Variants in GPC5 observed in about 807,000 individuals in gnomAD.
The protein encoded by GPC5 is glypican 5.
GPC5 carries 47 observed loss-of-function variants against 53.9 expected under a neutral mutation model. The observed-to-expected ratio is 0.87, with a 90% CI of 0.69 to 1.11. The LOEUF (loss-of-function observed/expected upper bound fraction) is 1.11. Ranked by LOEUF, GPC5 falls within the 50% of genes most tolerant of loss-of-function variation. The probability of loss-of-function intolerance (pLI) is 0.00; values close to 1 mark genes in which losing one functional copy is unlikely to be tolerated. For synonymous variants in GPC5, 286 were observed against 263.3 expected (o/e 1.09, Z -0.84); for missense variants, 748 against 713.1 (o/e 1.05, Z -0.56).
intron 7 of GPC5, among the ~76,000 whole-genome samples, chr13:92,272,741 A>T (rs1332068449): frequency 6.6e-6 from 1 of 152,194 alleles, no homozygotes; most frequent in Non-Finnish European, 1.5e-5. Flanking sequence ...GGATCCCAAT[A>T]CCATGGAGCT....
chr13:92,641,145 A>G (rs1339938264), intron 7 of GPC5, among the ~76,000 whole-genome samples: 1 of 152,202 alleles, frequency 6.6e-6, no homozygotes, highest in Non-Finnish European at 1.5e-5. Flanking sequence ...ATTCATTACA[A>G]GGAGAAAAGT....
chr13:91,954,346 T>C (rs544091515), intron 6 of GPC5, among the ~76,000 whole-genome samples: 171 of 152,268 alleles, frequency 1.1e-3, no homozygotes, highest in African/African-American at 3.9e-3. Context: ...ACAAAATATG[T>C]GTAACAGGAA....
rs138665351 is a variant in GPC5 at position 92,591,725 on chromosome 13, G to A, written c.1562-274557G>A. Among the ~76,000 whole-genome samples the A allele has an allele frequency of 7.7e-4, 117 of 151,814 alleles. No homozygotes were observed. In the East Asian group the frequency reaches 0.021, roughly 27 times the overall value. On this transcript the variant is annotated intron_variant, in intron 7 of 7. Coordinates refer to ENST00000377067, the MANE Select transcript of GPC5 (RefSeq NM_004466.6). ...ATCTAACTATAATTATATATCCTTCGACCAACCTTTCCTCAACTCCCCCAC... is the reference window on the plus strand; with the variant it reads ...ATCTAACTATAATTATATATCCTTCAACCAACCTTTCCTCAACTCCCCCAC...
chr13:91,420,044 C>A (rs778220445), intron 1 of GPC5, among the ~76,000 whole-genome samples: 2 of 152,094 alleles, frequency 1.3e-5, no homozygotes, highest in Non-Finnish European at 2.9e-5. Flanking sequence ...AAGGAAGGAT[C>A]CTGGGGAGCT....
chr13:92,600,904 C>T (rs1884030384), intron 7 of GPC5, among the ~76,000 whole-genome samples: 1 of 152,004 alleles, frequency 6.6e-6, no homozygotes. Context: ...TCCCCTTGGC[C>T]CTGAACTCCT....
Position 91,693,842 on chromosome 13 carries a change from G to GT in GPC5, c.983dup (p.Leu328PhefsTer16). 1 of 1,608,222 alleles carries GT rather than the reference G, an allele frequency of 6.2e-7. No homozygotes were observed. The highest frequency in any genetic ancestry group is 8.5e-7 in the Non-Finnish European group (1 of 1,177,864). ...TTCACTTGCTTGTTAATGATGCTGT[G>GT]TTACAGGCTCACCTCAATGGACAAA... On this transcript the variant is annotated frameshift_variant, in exon 3 of 8. Transcript: ENST00000377067. LOFTEE classifies it high-confidence loss of function.
At chr13:92,493,261 CATTA>C (rs763915132) in intron 7 of GPC5, among the ~76,000 whole-genome samples, 131 of 152,260 alleles carry the variant, frequency 8.6e-4, no homozygotes, top group Non-Finnish European at 1.4e-3. Context: ...AAATATTGTA[CATTA>C]ATTTATATAC....
chr13:92,023,194 A>G (rs1425208776), intron 6 of GPC5, among the ~76,000 whole-genome samples: 2 of 152,044 alleles, frequency 1.3e-5, no homozygotes, highest in East Asian at 1.9e-4. Flanking sequence ...AGTTTCCTCT[A>G]TTTACTTGAG....
chr13:91,858,136 A>C (rs550184703), intron 5 of GPC5, among the ~76,000 whole-genome samples: 10 of 151,730 alleles, frequency 6.6e-5, no homozygotes, highest in African/African-American at 2.2e-4. Context: ...TCCAATTTGC[A>C]TGTCCCTTTA....
intron 6 of GPC5, among the ~76,000 whole-genome samples, chr13:92,031,290 G>A (rs1181828627): frequency 1.3e-5 from 2 of 151,994 alleles, no homozygotes; most frequent in African/African-American, 2.4e-5. Flanking sequence ...AATACCAAAC[G>A]TCTACTTCCA....
At chr13:92,495,912 A>G (rs572337997) in intron 7 of GPC5, among the ~76,000 whole-genome samples, 4 of 152,122 alleles carry the variant, frequency 2.6e-5, no homozygotes, top group African/African-American at 9.6e-5. Flanking sequence ...TTAGAGTTAG[A>G]GGAATTTAAA....
intron 7 of GPC5, among the ~76,000 whole-genome samples, chr13:92,646,174 T>C (rs1272414324): frequency 6.6e-6 from 1 of 152,168 alleles, no homozygotes; most frequent in Non-Finnish European, 1.5e-5. Flanking sequence ...CATTCAGGCC[T>C]CTGATCTATT....
At chr13:91,972,955 T>C (rs1158671589) in intron 6 of GPC5, among the ~76,000 whole-genome samples, 1 of 152,164 alleles carries the variant, frequency 6.6e-6, no homozygotes, top group African/African-American at 2.4e-5. Context: ...TTGGAGTTGC[T>C]CTTCTCGAGG....
intron 5 of GPC5, among the ~76,000 whole-genome samples, chr13:91,853,783 A>G (rs975110026): frequency 6.6e-6 from 1 of 151,986 alleles, no homozygotes; most frequent in African/African-American, 2.4e-5. Flanking sequence ...CATTCAAGAA[A>G]TTTATACTAG....
chr13:91,611,434 C>A (rs969028300), intron 2 of GPC5, among the ~76,000 whole-genome samples: 2 of 152,166 alleles, frequency 1.3e-5, no homozygotes. Context: ...GCTTCAATTT[C>A]TCACCTCCAG....
intron 5 of GPC5, among the ~76,000 whole-genome samples, chr13:91,782,635 A>C (rs903443862): frequency 6.6e-6 from 1 of 152,194 alleles, no homozygotes; most frequent in Non-Finnish European, 1.5e-5. Context: ...ATGGGGACAC[A>C]GAGCCAAACC....
At chr13:91,705,565 G>A (rs1049216074) in intron 3 of GPC5, among the ~76,000 whole-genome samples, 1 of 152,180 alleles carries the variant, frequency 6.6e-6, no homozygotes, top group Non-Finnish European at 1.5e-5. Flanking sequence ...CAGATCAGCA[G>A]TAGATGTTTG....
intron 6 of GPC5, among the ~76,000 whole-genome samples, chr13:91,983,667 G>C (rs141348016): frequency 6.6e-6 from 1 of 152,236 alleles, no homozygotes; most frequent in Non-Finnish European, 1.5e-5. Context: ...TGTAGTTCTG[G>C]AGCAGAATAT....
chr13:91,702,964 T>A (rs1443949465), intron 3 of GPC5, among the ~76,000 whole-genome samples: 1 of 152,128 alleles, frequency 6.6e-6, no homozygotes, highest in African/African-American at 2.4e-5. Context: ...CTACAGATTT[T>A]ATGTTTATTT....
Sources: gnomAD v4.1 joint callset for allele counts (sites outside exome capture counted in the v4.1 genomes callset) on GRCh38, gnomAD v4.1.1 for gene constraint, MANE v1.5 for transcripts, NCBI Gene and HGNC (gene_info 2026-07-23, HGNC 2026-07-21) for gene names.